KLHL29: variants seen among roughly 807,000 people sequenced by gnomAD.
KLHL29 encodes kelch like family member 29.
A neutral mutation model predicts 80.4 loss-of-function variants in KLHL29; 21 were observed. The ratio of observed to expected loss-of-function variants is 0.26; its 90% confidence interval spans 0.19 to 0.38. KLHL29 has a LOEUF of 0.38. Ranked by LOEUF, KLHL29 falls within the 10% of genes least tolerant of loss-of-function variation. The probability of loss-of-function intolerance (pLI) is 1.00; values close to 1 mark genes in which losing one functional copy is unlikely to be tolerated. For missense variants in KLHL29, 867 were observed against 1,223.9 expected (o/e 0.71, Z 4.35); for synonymous variants, 511 against 526.8 (o/e 0.97, Z 0.41).
intron 2 of KLHL29, among the ~76,000 whole-genome samples, chr2:23,482,306 G>A (rs1029066309): frequency 2.3e-4 from 35 of 152,146 alleles, no homozygotes; most frequent in African/African-American, 7.0e-4. Flanking sequence ...TTATTTTTAC[G>A]GCAAAATTTG....
rs1668402158 is a variant in KLHL29 at position 23,596,726 on chromosome 2, TG to T, written c.285+34249del. Among the ~76,000 whole-genome samples the T allele has an allele frequency of 6.6e-6, 1 of 152,220 alleles. No homozygotes were observed. The highest frequency in any genetic ancestry group is 6.5e-5 in the Admixed American group (1 of 15,284). Reference sequence around the variant, plus strand: ...GAGGGCGATAGGAAGACTCCGATGCTGGGGCAGAGCCATCTCTTACACACAA... The same window carrying T: ...GAGGGCGATAGGAAGACTCCGATGCTGGGCAGAGCCATCTCTTACACACAA... On this transcript the variant is annotated intron_variant, in intron 3 of 13. Coordinates refer to ENST00000486442, the MANE Select transcript of KLHL29 (RefSeq NM_052920.2). The surrounding 1 kb of genome is among the most constrained non-coding windows in gnomAD (Gnocchi z 4.4).
intron 1 of KLHL29, among the ~76,000 whole-genome samples, chr2:23,463,236 A>G (rs1313494098): frequency 7.0e-6 from 1 of 143,788 alleles, no homozygotes; most frequent in Non-Finnish European, 1.5e-5. Flanking sequence ...TTTTTTTTTC[A>G]TTTGGTTTAT....
At chr2:23,573,795 G>A (rs949122335) in intron 3 of KLHL29, among the ~76,000 whole-genome samples, 1 of 152,212 alleles carries the variant, frequency 6.6e-6, no homozygotes, top group Non-Finnish European at 1.5e-5. Flanking sequence ...CATGATGCTT[G>A]GGGACCGTTG....
At chr2:23,522,821 C>T (rs747625836) in intron 2 of KLHL29, among the ~76,000 whole-genome samples, 9 of 152,208 alleles carry the variant, frequency 5.9e-5, no homozygotes, top group Non-Finnish European at 1.0e-4. Context: ...GGCTGTTGGA[C>T]GTGCAGCTCT....
chr2:23,402,338 G>A (rs867072564), intron 1 of KLHL29, among the ~76,000 whole-genome samples: 86 of 152,358 alleles, frequency 5.6e-4, no homozygotes, highest in African/African-American at 2.0e-3. Flanking sequence ...CTTCACCGGG[G>A]TGTGAAATGA....
intron 5 of KLHL29, among the ~76,000 whole-genome samples, chr2:23,672,986 G>A (rs1203035661): frequency 6.6e-6 from 1 of 152,186 alleles, no homozygotes; most frequent in Non-Finnish European, 1.5e-5. Context: ...CAGTGTCAGA[G>A]ACAAAGCTGA....
At chr2:23,574,636 C>T (rs1667798323) in intron 3 of KLHL29, among the ~76,000 whole-genome samples, 1 of 152,130 alleles carries the variant, frequency 6.6e-6, no homozygotes, top group African/African-American at 2.4e-5. Context: ...AGTCACATGG[C>T]ACTGTGACTG....
chr2:23,528,014 C>T (rs1337345267), intron 2 of KLHL29, among the ~76,000 whole-genome samples: 1 of 152,208 alleles, frequency 6.6e-6, no homozygotes, highest in African/African-American at 2.4e-5. Flanking sequence ...TGTGAATACA[C>T]TGTTGCATTT....
intron 2 of KLHL29, among the ~76,000 whole-genome samples, chr2:23,543,256 C>T (rs149098310): frequency 1.3e-5 from 2 of 152,272 alleles, no homozygotes; most frequent in South Asian, 2.1e-4. Context: ...CATTACACGG[C>T]TCCAGCTAGA....
intron 5 of KLHL29, among the ~76,000 whole-genome samples, chr2:23,670,932 C>G (rs1447256556): frequency 1.1e-4 from 1 of 9,518 alleles, no homozygotes; most frequent in East Asian, 0.01. Context: ...CTCTCTCTCT[C>G]TCTCTCTCTC....
At chr2:23,550,131 G>C (rs1402220473) in intron 2 of KLHL29, among the ~76,000 whole-genome samples, 1 of 152,118 alleles carries the variant, frequency 6.6e-6, no homozygotes, top group Non-Finnish European at 1.5e-5. Flanking sequence ...GCTGTGCCCT[G>C]TTCTTATTTC....
intron 5 of KLHL29, among the ~76,000 whole-genome samples, chr2:23,673,151 A>G (rs1670815318): frequency 6.6e-6 from 1 of 152,062 alleles, no homozygotes. Context: ...TCATGCTCAC[A>G]CACACATACA....
intron 5 of KLHL29, among the ~76,000 whole-genome samples, chr2:23,657,785 G>A (rs1016039696): frequency 1.3e-5 from 2 of 152,152 alleles, no homozygotes; most frequent in Non-Finnish European, 2.9e-5. Context: ...GTGGGGGACC[G>A]GCCTCGCCTA....
intron 3 of KLHL29, among the ~76,000 whole-genome samples, chr2:23,587,097 T>C (rs1367743282): frequency 6.6e-6 from 1 of 152,218 alleles, no homozygotes; most frequent in Non-Finnish European, 1.5e-5. Flanking sequence ...ATGTCGCTCC[T>C]TTTAATTAGA....
intron 1 of KLHL29, among the ~76,000 whole-genome samples, chr2:23,399,051 G>A (rs912888738): frequency 6.6e-6 from 1 of 152,314 alleles, no homozygotes; most frequent in Non-Finnish European, 1.5e-5. Context: ...GCCATGGAGC[G>A]CTTTGGGTCC....
intron 3 of KLHL29, among the ~76,000 whole-genome samples, chr2:23,578,407 C>A (rs1667895514): frequency 6.6e-6 from 1 of 152,232 alleles, no homozygotes; most frequent in South Asian, 2.1e-4. Flanking sequence ...GTTTCCTCTT[C>A]TATAAAATGA....
chr2:23,696,240 G>A lies in KLHL29; in HGVS notation c.1925-93G>A, dbSNP rs1248489032. The stretch of plus-strand genomic sequence containing the variant: ...ATGGCCCAGAAGTGTCTACTTTGCA[G>A]GTGAAGCCTTCCTCTGCCCCTGGGG... On this transcript the variant is annotated intron_variant, in intron 10 of 13. Coordinates refer to ENST00000486442, the MANE Select transcript of KLHL29 (RefSeq NM_052920.2). This position sits in a 1 kb window ranked among gnomAD's most constrained non-coding sequence, Gnocchi z 5.5. The A allele has an allele frequency of 4.0e-6, 6 of 1,492,538 alleles. No individual in the cohort carries two copies. Among genetic ancestry groups the A allele is most frequent in the African/African-American group, 1.4e-5 (1 of 71,746 alleles). The allele number at this position is 1,492,538 out of a possible 1,614,324, so 92.5% of individuals were successfully genotyped here.
chr2:23,492,442 C>G (rs1665130456), intron 2 of KLHL29, among the ~76,000 whole-genome samples: 1 of 152,218 alleles, frequency 6.6e-6, no homozygotes, highest in African/African-American at 2.4e-5. Flanking sequence ...TGTTTGATAG[C>G]AGTCACGTGG....
chr2:23,563,990 C>T (rs372719306), intron 3 of KLHL29, among the ~76,000 whole-genome samples: 14 of 152,232 alleles, frequency 9.2e-5, no homozygotes, highest in Non-Finnish European at 4.4e-5. Flanking sequence ...TAGGGCCAGC[C>T]GCTGGACCTG....
Sources: allele counts gnomAD v4.1 joint callset (sites outside exome capture counted in the v4.1 genomes callset), GRCh38; gene constraint gnomAD v4.1.1; non-coding constraint Gnocchi (gnomAD v3.1); transcripts MANE v1.5; gene names NCBI Gene and HGNC (gene_info 2026-07-23, HGNC 2026-07-21).